The following TRAPPC9 variants were observed in gnomAD, a reference collection of about 807,000 sequenced individuals.
The protein encoded by TRAPPC9 is IKK2 binding protein.
A neutral mutation model predicts 124.0 loss-of-function variants in TRAPPC9; 83 were observed. The observed-to-expected ratio is 0.67, with a 90% CI of 0.56 to 0.80. The LOEUF is 0.80. Ranked by LOEUF, TRAPPC9 falls within the 30% of genes least tolerant of loss-of-function variation. TRAPPC9 has a pLI of 0.00. For missense variants in TRAPPC9, 1,302 were observed against 1,508.3 expected (o/e 0.86, Z 2.27); for synonymous variants, 638 against 617.5 (o/e 1.03, Z -0.49).
At chr8:140,099,753 G>A (rs2060538794) in intron 17 of TRAPPC9, 3 of 150,356 alleles carry the variant, frequency 2.0e-5, no homozygotes, top group Non-Finnish European at 4.4e-5. Context: ...CACAGGGTAG[G>A]AACACCCAGC....
At chr8:140,291,182 G>T in intron 11 of TRAPPC9, 104 bp from the exon 12 acceptor site, 1 of 1,028,368 alleles carries the variant, frequency 9.7e-7, no homozygotes, top group Non-Finnish European at 1.5e-6. Flanking sequence ...TCTCAGTGAG[G>T]CAGCAGGCTC....
chr8:140,221,715 G>A (rs2063342765), intron 16 of TRAPPC9, 132 bp from the exon 17 acceptor site: 21 of 1,259,354 alleles, frequency 1.7e-5, no homozygotes, highest in Non-Finnish European at 2.2e-5. Flanking sequence ...TCTGCTCACT[G>A]CAACCTTTGC....
chr8:140,129,936 A>G (rs1461145340), intron 17 of TRAPPC9, among the ~76,000 whole-genome samples: 1 of 152,212 alleles, frequency 6.6e-6, no homozygotes, highest in African/African-American at 2.4e-5. Context: ...AGCTACATGC[A>G]CACTTCAGGC....
chr8:140,249,422 A>G (rs1241292963), intron 16 of TRAPPC9, among the ~76,000 whole-genome samples: 1 of 152,104 alleles, frequency 6.6e-6, no homozygotes, highest in East Asian at 1.9e-4. Flanking sequence ...TCTTTATCCA[A>G]TTCACTACTG....
At chr8:140,081,653 C>T (rs1216127975) in intron 17 of TRAPPC9, among the ~76,000 whole-genome samples, 1 of 152,116 alleles carries the variant, frequency 6.6e-6, no homozygotes, top group Admixed American at 6.6e-5. Flanking sequence ...CCAATCAGTA[C>T]ATTTAGAAAT....
intron 20 of TRAPPC9, among the ~76,000 whole-genome samples, chr8:139,894,899 G>A (rs1289293988): frequency 6.6e-6 from 1 of 152,140 alleles, no homozygotes; most frequent in Non-Finnish European, 1.5e-5. Context: ...TCGTCCAACT[G>A]GGTCCCAGAG....
At chr8:140,232,371 A>C (rs2063620170) in intron 16 of TRAPPC9, among the ~76,000 whole-genome samples, 1 of 152,018 alleles carries the variant, frequency 6.6e-6, no homozygotes, top group Non-Finnish European at 1.5e-5. Context: ...AAGTGGAGGG[A>C]GGAGGAACTG....
At chr8:139,759,659 G>A (rs1820090349) in intron 21 of TRAPPC9, among the ~76,000 whole-genome samples, 1 of 152,182 alleles carries the variant, frequency 6.6e-6, no homozygotes, top group Non-Finnish European at 1.5e-5. Flanking sequence ...GGAGCATTCT[G>A]AAAGGCAGCC....
At chr8:140,272,302 G>A (rs1476388458) in intron 15 of TRAPPC9, among the ~76,000 whole-genome samples, 2 of 150,380 alleles carry the variant, frequency 1.3e-5, no homozygotes, top group Non-Finnish European at 3.0e-5. Flanking sequence ...TTGTGACAGT[G>A]GTGGTTGTGG....
chr8:140,443,130 T>TAAA (rs2071091738), intron 2 of TRAPPC9, among the ~76,000 whole-genome samples: 1 of 8,298 alleles, frequency 1.2e-4, no homozygotes. Context: ...AGACTCCATC[T>TAAA]CAAAAAAAAA....
rs896984374 is a variant in TRAPPC9 at position 140,124,738 on chromosome 8, C to T, written c.2556+96721G>A. Among the ~76,000 whole-genome samples, 5 of 90,374 alleles carry T rather than the reference C, an allele frequency of 5.5e-5. No homozygotes were observed. The Admixed American group carries it at 5.8e-4, about 10-fold the overall frequency. 59.3% of individuals were successfully genotyped at this position (90,374 alleles called of 152,430 possible). A position where few individuals can be genotyped will look rare whatever the true frequency, so the allele number is the denominator to read the frequency against. On this transcript the variant is annotated intron_variant, in intron 17 of 22. Transcript: ENST00000438773. ...CCCTCCGAGGGGAGGACCAAAATCA[C>T]TCTCGAAGTCTGAAGGCAGTGAGGT...
chr8:139,995,861 T>TAA (rs35970083), intron 18 of TRAPPC9, among the ~76,000 whole-genome samples: 2,909 of 96,802 alleles, frequency 0.03, 205 homozygotes, highest in African/African-American at 0.12. Context: ...TACTCTGCAT[T>TAA]AAAAAAAAAA....
chr8:139,873,648 T>G (rs1269415434), intron 21 of TRAPPC9, among the ~76,000 whole-genome samples: 2 of 152,060 alleles, frequency 1.3e-5, no homozygotes, highest in East Asian at 3.9e-4. Context: ...GGAGGGGGTG[T>G]CATGCAGGAG....
At chr8:140,364,087 T>C (rs1309162278) in intron 8 of TRAPPC9, among the ~76,000 whole-genome samples, 1 of 150,924 alleles carries the variant, frequency 6.6e-6, no homozygotes, top group Non-Finnish European at 1.5e-5. Context: ...TGACCGGGAG[T>C]GAGGCAGGAA....
At chr8:140,418,499 C>T (rs1275953363) in intron 5 of TRAPPC9, among the ~76,000 whole-genome samples, 1 of 151,794 alleles carries the variant, frequency 6.6e-6, no homozygotes, top group Non-Finnish European at 1.5e-5. Context: ...GGCAGGTGGA[C>T]TGACTGAGGT....
intron 9 of TRAPPC9, among the ~76,000 whole-genome samples, chr8:140,311,717 T>C (rs2066303528): frequency 6.6e-6 from 1 of 152,238 alleles, no homozygotes; most frequent in African/African-American, 2.4e-5. Flanking sequence ...ACCATACTTT[T>C]TCAGCAATTA....
chr8:140,443,201 C>T (rs970096718), intron 2 of TRAPPC9, among the ~76,000 whole-genome samples: 18 of 143,816 alleles, frequency 1.3e-4, no homozygotes, highest in Admixed American at 1.4e-4. Flanking sequence ...TTTGGGAGGC[C>T]AAGGCGGGCA....
chr8:140,368,982 A>AAT (rs1191064154), intron 8 of TRAPPC9, among the ~76,000 whole-genome samples: 1 of 152,238 alleles, frequency 6.6e-6, no homozygotes, highest in Non-Finnish European at 1.5e-5. Context: ...ACCATGTACT[A>AAT]ATGTAAACAC....
intron 17 of TRAPPC9, among the ~76,000 whole-genome samples, chr8:140,119,128 G>T (rs1368672705): frequency 6.6e-6 from 1 of 152,234 alleles, no homozygotes; most frequent in East Asian, 1.9e-4. Flanking sequence ...GGAGAAAAGA[G>T]GAGCAGAAAG....
Sources: allele counts gnomAD v4.1 joint callset (sites outside exome capture counted in the v4.1 genomes callset), GRCh38; gene constraint gnomAD v4.1.1; transcripts MANE v1.5; gene names NCBI Gene and HGNC (gene_info 2026-07-23, HGNC 2026-07-21).